Variants in LRRTM4 observed in about 807,000 individuals in gnomAD.
LRRTM4 encodes leucine rich repeat transmembrane neuronal 4.
In LRRTM4, 25 loss-of-function variants were observed where a neutral mutation model predicts 47.6. That is an observed-to-expected ratio of 0.53 (90% confidence interval 0.38 to 0.73). LRRTM4 has a LOEUF of 0.73. Among genes scored for constraint, LRRTM4 ranks in the 30% least tolerant of loss-of-function variants. The pLI is 0.00. For missense variants in LRRTM4, 638 were observed against 713.4 expected (o/e 0.89, Z 1.20); for synonymous variants, 311 against 269.5 (o/e 1.15, Z -1.51).
chr2:76,915,102 T>C (rs1418932327), intron 3 of LRRTM4, among the ~76,000 whole-genome samples: 1 of 152,104 alleles, frequency 6.6e-6, no homozygotes, highest in Non-Finnish European at 1.5e-5. Flanking sequence ...GAAGAAACAA[T>C]CTATAGGTTA....
intron 3 of LRRTM4, among the ~76,000 whole-genome samples, chr2:77,085,194 CATTTT>C (rs149301890): frequency 0.015 from 2,219 of 151,992 alleles, 43 homozygotes; most frequent in African/African-American, 0.05. Flanking sequence ...GTCTTTAATA[CATTTT>C]ATTTTATTTC....
At chr2:77,362,680 G>T (rs1472545762) in intron 3 of LRRTM4, among the ~76,000 whole-genome samples, 1 of 152,142 alleles carries the variant, frequency 6.6e-6, no homozygotes, top group Admixed American at 6.5e-5. Flanking sequence ...GACCAGTGAT[G>T]AGGATAGTCT....
chr2:76,819,072 A>G (rs745436070), intron 3 of LRRTM4, among the ~76,000 whole-genome samples: 4 of 151,808 alleles, frequency 2.6e-5, no homozygotes, highest in Non-Finnish European at 5.9e-5. Context: ...TCCGTGTCTA[A>G]AACTCCATAT....
intron 3 of LRRTM4, among the ~76,000 whole-genome samples, chr2:77,236,653 G>A (rs546776055): frequency 6.6e-6 from 1 of 152,072 alleles, no homozygotes; most frequent in Non-Finnish European, 1.5e-5. Flanking sequence ...GATATTAGCT[G>A]TGGGTTTGTC....
intron 3 of LRRTM4, among the ~76,000 whole-genome samples, chr2:77,033,790 TTAA>T (rs1263021001): frequency 2.6e-5 from 4 of 151,978 alleles, no homozygotes; most frequent in East Asian, 3.9e-4. Flanking sequence ...CTCTTAAAAT[TTAA>T]TAATGTCTTA....
intron 3 of LRRTM4, among the ~76,000 whole-genome samples, chr2:77,382,359 A>C (rs1267520422): frequency 6.6e-6 from 1 of 152,120 alleles, no homozygotes; most frequent in African/African-American, 2.4e-5. Context: ...TGCGCTTGTC[A>C]ACATCAGATA....
chr2:77,241,292 G>A (rs1403254647), intron 3 of LRRTM4, among the ~76,000 whole-genome samples: 6 of 151,592 alleles, frequency 4.0e-5, no homozygotes, highest in South Asian at 2.1e-4. Context: ...TTGGTTTGAC[G>A]ATCGCACAAA....
chr2:77,397,468 A>G (rs1673748507), intron 3 of LRRTM4, among the ~76,000 whole-genome samples: 1 of 151,830 alleles, frequency 6.6e-6, no homozygotes, highest in South Asian at 2.1e-4. Flanking sequence ...GGACAGCAGG[A>G]GGTGATTATG....
At chr2:76,759,478 A>G (rs1015299034) in intron 3 of LRRTM4, among the ~76,000 whole-genome samples, 3 of 152,098 alleles carry the variant, frequency 2.0e-5, no homozygotes, top group Non-Finnish European at 2.9e-5. Context: ...TTTAGAGACG[A>G]TCTTACAGGG....
chr2:76,770,448 T>C (rs1482778434), intron 3 of LRRTM4, among the ~76,000 whole-genome samples: 9 of 152,338 alleles, frequency 5.9e-5, no homozygotes, highest in Middle Eastern at 3.4e-3. Context: ...TGTAATGTTC[T>C]GGAGGGTAAG....
At chr2:77,333,390 C>T (rs1365528224) in intron 3 of LRRTM4, among the ~76,000 whole-genome samples, 1 of 152,124 alleles carries the variant, frequency 6.6e-6, no homozygotes, top group Non-Finnish European at 1.5e-5. Context: ...TGCCTTTGAC[C>T]AAAATGCTGA....
At chr2:77,387,381 T>C (rs1673319749) in intron 3 of LRRTM4, among the ~76,000 whole-genome samples, 1 of 152,174 alleles carries the variant, frequency 6.6e-6, no homozygotes, top group Non-Finnish European at 1.5e-5. Context: ...CTCATGTTCC[T>C]GTATGTCTTC....
At chr2:77,031,209 T>C (rs1280520432) in intron 3 of LRRTM4, among the ~76,000 whole-genome samples, 2 of 151,290 alleles carry the variant, frequency 1.3e-5, no homozygotes, top group African/African-American at 2.4e-5. Flanking sequence ...ACATGCCAAA[T>C]ATTTGTGTTT....
At position 76,888,675 on chromosome 2, in the gene LRRTM4, T is replaced by C. The variant is rs528196797; in HGVS notation, c.1552-139759A>G. Among the ~76,000 whole-genome samples the C allele has an allele frequency of 3.3e-5, 5 of 151,946 alleles. No individual in the cohort carries two copies. In the East Asian group the frequency reaches 9.7e-4, roughly 29 times the overall value. Reference sequence around the variant, plus strand: ...ATTTTAATTATTCATTAGTTTTTTTTCTAGATTTTAGTTTGGACCACTGCT... The same window carrying C: ...ATTTTAATTATTCATTAGTTTTTTTCCTAGATTTTAGTTTGGACCACTGCT... On this transcript the variant is annotated intron_variant, in intron 3 of 3. Transcript: ENST00000409884.
At chr2:76,985,335 T>G (rs1337199335) in intron 3 of LRRTM4, among the ~76,000 whole-genome samples, 1 of 152,034 alleles carries the variant, frequency 6.6e-6, no homozygotes, top group Non-Finnish European at 1.5e-5. Flanking sequence ...ATTGAGAGAT[T>G]GCTGCTTCTG....
chr2:77,187,620 A>G (rs1389890449), intron 3 of LRRTM4, among the ~76,000 whole-genome samples: 1 of 152,138 alleles, frequency 6.6e-6, no homozygotes, highest in Non-Finnish European at 1.5e-5. Flanking sequence ...AACTTAAAGT[A>G]TAATAATAAA....
intron 3 of LRRTM4, among the ~76,000 whole-genome samples, chr2:77,507,799 A>C (rs1678835199): frequency 6.6e-6 from 1 of 152,098 alleles, no homozygotes; most frequent in South Asian, 2.1e-4. Context: ...CACAAAATGG[A>C]ATTCCAGAGT....
intron 3 of LRRTM4, among the ~76,000 whole-genome samples, chr2:77,061,891 T>C (rs1216246098): frequency 1.3e-5 from 2 of 152,040 alleles, no homozygotes; most frequent in Non-Finnish European, 2.9e-5. Context: ...ACTTTCAAAG[T>C]CATCTACATA....
At chr2:77,339,461 G>A (rs1406433502) in intron 3 of LRRTM4, among the ~76,000 whole-genome samples, 1 of 151,682 alleles carries the variant, frequency 6.6e-6, no homozygotes, top group Non-Finnish European at 1.5e-5. Flanking sequence ...GATTTTTCTA[G>A]CATTTAAATT....
Sources: allele counts gnomAD v4.1 joint callset (sites outside exome capture counted in the v4.1 genomes callset), GRCh38; gene constraint gnomAD v4.1.1; transcripts MANE v1.5; gene names NCBI Gene and HGNC (gene_info 2026-07-23, HGNC 2026-07-21).